STRN4: variants seen among roughly 807,000 people sequenced by gnomAD.
STRN4 encodes striatin 4, also known as striatin-4.
Under a neutral mutation model 77.9 loss-of-function variants are expected in STRN4, and 27 were observed. The ratio of observed to expected loss-of-function variants is 0.35; its 90% CI spans 0.26 to 0.48. The LOEUF is 0.48. STRN4 is among the 20% of genes least tolerant of loss of function. The pLI is 0.99. For synonymous variants in STRN4, 466 were observed against 443.1 expected (o/e 1.05, Z -0.65); for missense variants, 798 against 1,049.7 (o/e 0.76, Z 3.31).
At position 46,722,268 on chromosome 19, in the gene STRN4, C is replaced by G; in HGVS notation, c.1979G>C (p.Gly660Ala). The G allele has an allele frequency of 3.7e-6, 6 of 1,614,190 alleles. No homozygotes were observed. Among genetic ancestry groups the G allele is most frequent in the Non-Finnish European group, 5.1e-6 (6 of 1,180,024 alleles). ...PLTITAHDDR[G>A]IRFLDNRTGK... ...TGTCCGATTGTCCAGGAAGCGGATG[C>G]CCCTGTCGTCGTGGGCGGTGATGGT... is the stretch of plus-strand genomic sequence containing the variant. The change falls in exon 15 of 18, where the codon GGC (glycine) becomes GCC (alanine). Residue 660 changes from glycine to alanine, a missense_variant. Transcript: ENST00000263280.
chr19:46,724,904 C>T lies in STRN4; in HGVS notation c.1497G>A (p.Met499Ile), dbSNP rs2054071917. ...AHRGPVLAVA[M>I]GSNSEYCYSG... ...TGTAGCAGTATTCACTGTTGCTGCC[C>T]ATAGCCACAGCCAACACTGGGCCCC... The change falls in exon 12 of 18, where the codon ATG becomes ATA. Residue 499 changes from methionine to isoleucine, a missense_variant. Physicochemically the swap from Met to Ile is conservative, Grantham distance 10. Coordinates refer to ENST00000263280, the MANE Select transcript of STRN4 (RefSeq NM_013403.3). The T allele has an allele frequency of 6.2e-7, 1 of 1,613,952 alleles. No homozygotes were observed. The highest frequency in any genetic ancestry group is 1.3e-5 in the African/African-American group (1 of 74,952).
At chr19:46,724,782 G>A in intron 12 of STRN4, 25 bp downstream of exon 12, 1 of 1,613,854 alleles carries the variant, frequency 6.2e-7, no homozygotes, top group Non-Finnish European at 8.5e-7. Context: ...GGATGTGAGG[G>A]GAAGGCGGGA....
chr19:46,735,321 A>T (rs1426503231), intron 4 of STRN4, among the ~76,000 whole-genome samples: 2 of 152,124 alleles, frequency 1.3e-5, no homozygotes, highest in Non-Finnish European at 2.9e-5. Flanking sequence ...ATTAAAAAAT[A>T]AATAAATAAA....
intron 6 of STRN4, 90 bp downstream of exon 6, chr19:46,730,642 C>CGCA (rs2054226640): frequency 6.5e-7 from 1 of 1,550,338 alleles, no homozygotes; most frequent in Admixed American, 1.7e-5. Flanking sequence ...CAGCACACAC[C>CGCA]GCAGCCCCTG....
intron 4 of STRN4, among the ~76,000 whole-genome samples, chr19:46,735,316 AAAAT>A (rs995491558): frequency 6.6e-6 from 1 of 152,224 alleles, no homozygotes; most frequent in African/African-American, 2.4e-5. Context: ...AAAACATTAA[AAAAT>A]AAATAAATAA....
chr19:46,739,670 C>T (rs1367323544), intron 1 of STRN4, among the ~76,000 whole-genome samples: 2 of 152,226 alleles, frequency 1.3e-5, no homozygotes, highest in Non-Finnish European at 2.9e-5. Context: ...TCTGGCTTCT[C>T]CCCAAGCACC....
At chr19:46,745,797 T>C (rs1288105378) in intron 1 of STRN4, 1 of 194,568 alleles carries the variant, frequency 5.1e-6, no homozygotes, top group East Asian at 1.3e-4. Flanking sequence ...AGGGCTCGAG[T>C]CGCCTCTCTC....
chr19:46,739,309 C>A (rs2054431627), intron 1 of STRN4: 1 of 207,426 alleles, frequency 4.8e-6, no homozygotes, highest in Non-Finnish European at 1.0e-5. Context: ...ACTATTCTTA[C>A]CAGAGCATCT....
In STRN4 at chr19:46,719,683, T is replaced by TCA. The variant is rs1279417729; in HGVS notation, c.*720_*721dup. The TCA allele has an allele frequency of 2.7e-5, 4 of 150,766 alleles. No homozygotes were observed. The highest frequency in any genetic ancestry group is 9.7e-5 in the African/African-American group (4 of 41,076). The allele number at this position is 150,766 out of a possible 1,614,324, so 9.3% of individuals were successfully genotyped here. ...ACAGGGAGGAGACTGACTGAGACCA[T>TCA]CACACAGTGATAATGCGGGTGGGGC... On this transcript the variant is annotated 3_prime_UTR_variant, in exon 18 of 18. Coordinates refer to ENST00000263280, the MANE Select transcript of STRN4 (RefSeq NM_013403.3).
intron 4 of STRN4, among the ~76,000 whole-genome samples, chr19:46,734,588 A>G (rs2054320462): frequency 6.6e-6 from 1 of 152,214 alleles, no homozygotes; most frequent in Non-Finnish European, 1.5e-5. Context: ...TTTTTCCTCC[A>G]TAGGACCAAA....
Position 46,733,261 on chromosome 19 carries a change from G to C in STRN4, c.540-25C>G, listed in dbSNP as rs1568400015. 2 of 1,601,922 alleles carry C rather than the reference G, an allele frequency of 1.2e-6. No individual in the cohort carries two copies. The highest frequency in any genetic ancestry group is 2.2e-5 in the East Asian group (1 of 44,716). ...CCTGCAGGGGTGCAGAGCCACGTGG[G>C]TCAGACATCCCCTGGGCTTCTTCAT... On this transcript the variant is annotated intron_variant, in intron 4 of 17. Transcript: ENST00000263280. This position sits in a 1 kb window ranked among gnomAD's most constrained non-coding sequence, Gnocchi z 4.3.
intron 1 of STRN4, chr19:46,739,227 C>T (rs952845013): frequency 1.4e-5 from 5 of 356,210 alleles, no homozygotes; most frequent in Admixed American, 1.1e-4. Flanking sequence ...GGTGGGCATT[C>T]ACCGCCCTGG....
At position 46,722,813 on chromosome 19, in the gene STRN4, T is replaced by G; in HGVS notation, c.1903A>C (p.Ser635Arg). 6.2e-7 allele frequency: 1 copy of G among 1,613,758 alleles called. No homozygotes were observed. ...GAGCTGATGTCAGCCCCCTTACCGC[T>G]GCTGCCCCGGGACTCCAGCGTGAGG... The part of the protein sequence containing the change: ...ALLTLESRGS[S>R]GPTQINQVVS... Residue 635 changes from serine to arginine, a missense_variant, in exon 14 of 18, where the codon AGC (serine) becomes CGC (arginine). Ser to Arg is a moderately radical substitution (Grantham distance 110, BLOSUM62 -1). Transcript: ENST00000263280.
rs544651348 is a variant in STRN4, at chr19:46,741,727, G to A, written c.283-2839C>T. Among the ~76,000 whole-genome samples the A allele has an allele frequency of 2.0e-5, 3 of 152,198 alleles. No individual in the cohort carries two copies. The highest frequency in any genetic ancestry group is 4.4e-5 in the Non-Finnish European group (3 of 68,038). On this transcript the variant is annotated intron_variant, in intron 1 of 17. Transcript: ENST00000263280. This position sits in a 1 kb window ranked among gnomAD's most constrained non-coding sequence, Gnocchi z 4.9. ...CCCCTCCAGCTATTCCCAGCAAGGC[G>A]ACATCTAAAGGCTTCGGAGGAGTCC...
chr19:46,727,801 G>A (rs1168008632), intron 8 of STRN4, 93 bp downstream of exon 8: 2 of 1,190,066 alleles, frequency 1.7e-6, no homozygotes, highest in East Asian at 2.4e-5. Context: ...GCTGGGCCTC[G>A]ACCCTGAAGA....
At chr19:46,728,492 C>T (rs2054175598) in intron 7 of STRN4, 126 bp downstream of exon 7, 3 of 1,298,416 alleles carry the variant, frequency 2.3e-6, no homozygotes, top group Non-Finnish European at 3.1e-6. Flanking sequence ...TGGCTACCCT[C>T]CTCTCAGGAA....
intron 9 of STRN4, among the ~76,000 whole-genome samples, chr19:46,726,639 G>A (rs1278013252): frequency 2.0e-5 from 3 of 152,166 alleles, no homozygotes; most frequent in Non-Finnish European, 4.4e-5. Flanking sequence ...CGCTGCATGC[G>A]CCCTGGTGCC....
intron 12 of STRN4, 55 bp downstream of exon 12, chr19:46,724,752 G>A (rs1413608500): frequency 6.5e-5 from 105 of 1,612,366 alleles, no homozygotes; most frequent in Non-Finnish European, 8.6e-5. Context: ...TGTGCGTGGA[G>A]GGGACGGCCA....
At chr19:46,739,950 T>TA (rs1373667975) in intron 1 of STRN4, among the ~76,000 whole-genome samples, 1 of 152,200 alleles carries the variant, frequency 6.6e-6, no homozygotes, top group African/African-American at 2.4e-5. Flanking sequence ...CCCAGTTCCT[T>TA]ACGGGAGGTA....
Sources: allele counts gnomAD v4.1 joint callset (sites outside exome capture counted in the v4.1 genomes callset), GRCh38; gene constraint gnomAD v4.1.1; non-coding constraint Gnocchi (gnomAD v3.1); transcripts MANE v1.5; gene names NCBI Gene and HGNC (gene_info 2026-07-23, HGNC 2026-07-21).